B4GALT1: variants seen among roughly 807,000 people sequenced by gnomAD.
B4GALT1 encodes beta-1,4-galactosyltransferase 1, also known as N-acetyllactosamine synthase.
In B4GALT1, 16 loss-of-function variants were observed where a neutral mutation model predicts 34.9. That is an observed-to-expected ratio of 0.46 (90% CI 0.31 to 0.70). B4GALT1 has a LOEUF of 0.70. Ranked by LOEUF, B4GALT1 falls within the 30% of genes least tolerant of loss-of-function variation. The pLI, the probability that B4GALT1 is intolerant of heterozygous loss-of-function variation, is 0.05. For missense variants in B4GALT1, 445 were observed against 530.5 expected (o/e 0.84, Z 1.58); for synonymous variants, 221 against 218.1 (o/e 1.01, Z -0.12).
At chr9:33,144,455 G>A (rs1051745686) in intron 1 of B4GALT1, among the ~76,000 whole-genome samples, 1 of 149,636 alleles carries the variant, frequency 6.7e-6, no homozygotes, top group Non-Finnish European at 1.5e-5. Flanking sequence ...AGGCAGGATG[G>A]TCTCGATCTC....
chr9:33,157,121 TAC>T (rs199541947), intron 1 of B4GALT1, among the ~76,000 whole-genome samples: 2,007 of 113,244 alleles, frequency 0.018, 34 homozygotes, highest in South Asian at 0.025. Context: ...CATAGGGAAC[TAC>T]ACACACACAC....
At chr9:33,104,081 T>A (rs1384886330), downstream of B4GALT1, 2 of 152,096 alleles carry the variant, frequency 1.3e-5, no homozygotes, top group South Asian at 2.1e-4. Flanking sequence ...AAAAGATAGG[T>A]CCACTTTTAG....
At chr9:33,125,210 G>T (rs1840074090) in intron 2 of B4GALT1, among the ~76,000 whole-genome samples, 1 of 152,166 alleles carries the variant, frequency 6.6e-6, no homozygotes, top group African/African-American at 2.4e-5. Flanking sequence ...GGCGGTGCTG[G>T]GAGAGAAGGC....
intron 1 of B4GALT1, among the ~76,000 whole-genome samples, chr9:33,164,998 A>T (rs749682942): frequency 2.4e-5 from 3 of 126,060 alleles, no homozygotes; most frequent in Non-Finnish European, 4.8e-5. Flanking sequence ...TTTTTTAGAC[A>T]GTCTTGCTTC....
At chr9:33,129,816 G>A (rs1432287237) in intron 2 of B4GALT1, among the ~76,000 whole-genome samples, 1 of 152,120 alleles carries the variant, frequency 6.6e-6, no homozygotes, top group African/African-American at 2.4e-5. Flanking sequence ...TAGGAACACA[G>A]GGGACAGCAT....
chr9:33,106,916 C>T (rs1290964740), downstream of B4GALT1, among the ~76,000 whole-genome samples: 1 of 152,132 alleles, frequency 6.6e-6, no homozygotes. Context: ...TGTATGGCTT[C>T]CTCCTGGCTT....
intron 1 of B4GALT1, among the ~76,000 whole-genome samples, chr9:33,150,216 A>G (rs1840491680): frequency 6.8e-6 from 1 of 146,832 alleles, no homozygotes; most frequent in South Asian, 2.2e-4. Context: ...ATTAATATCT[A>G]TCTATCTACA....
At chr9:33,116,500 T>C (rs10971414) in intron 3 of B4GALT1, among the ~76,000 whole-genome samples, 132,710 of 147,096 alleles carry the variant, frequency 0.9, 60,034 homozygotes, top group Middle Eastern at 0.97. Flanking sequence ...GGGATTACAG[T>C]TGTAAGACAC....
intron 2 of B4GALT1, among the ~76,000 whole-genome samples, chr9:33,123,186 G>A (rs935355658): frequency 1.4e-5 from 2 of 147,340 alleles, no homozygotes; most frequent in African/African-American, 5.0e-5. Context: ...GCTGAGGCAG[G>A]AGAATCACTT....
At chr9:33,150,915 T>C (rs929050942) in intron 1 of B4GALT1, among the ~76,000 whole-genome samples, 2 of 152,052 alleles carry the variant, frequency 1.3e-5, no homozygotes, top group African/African-American at 4.8e-5. Flanking sequence ...AGAGAGTCCA[T>C]GAGTAGACCC....
At chr9:33,172,787 A>G in the B4GALT1 span, among the ~76,000 whole-genome samples, 5 of 152,222 alleles carry the variant, frequency 3.3e-5, no homozygotes, top group East Asian at 9.7e-4. Flanking sequence ...GGACCTGTGG[A>G]TTATAAAGAC....
upstream of B4GALT1, among the ~76,000 whole-genome samples, chr9:33,168,246 A>G (rs1840801644): frequency 6.6e-6 from 1 of 152,226 alleles, no homozygotes; most frequent in Non-Finnish European, 1.5e-5. Flanking sequence ...CATGTTTTCT[A>G]CAGGTTTACC....
At chr9:33,172,183 C>T (rs74643574), upstream of B4GALT1, among the ~76,000 whole-genome samples, 6,140 of 152,134 alleles carry the variant, frequency 0.04, 176 homozygotes, top group Non-Finnish European at 0.064. Flanking sequence ...CTGAAATCTC[C>T]CTGTGGTGAC....
At chr9:33,109,821 G>A (rs1839833581), downstream of B4GALT1, among the ~76,000 whole-genome samples, 1 of 151,916 alleles carries the variant, frequency 6.6e-6, no homozygotes, top group South Asian at 2.1e-4. Flanking sequence ...ACTGCTTGTT[G>A]GTGGGGAGAA....
At chr9:33,174,990 A>AAT in the B4GALT1 span, among the ~76,000 whole-genome samples, 54 of 4,830 alleles carry the variant, frequency 0.011, 7 homozygotes, top group African/African-American at 0.025. Flanking sequence ...AAAAAAAAAA[A>AAT]ATATATATAT....
intron 1 of B4GALT1, among the ~76,000 whole-genome samples, chr9:33,153,066 G>A (rs376023721): frequency 1.3e-5 from 2 of 152,054 alleles, no homozygotes; most frequent in Admixed American, 6.6e-5. Flanking sequence ...AAGACAGATG[G>A]CCAATAAACA....
intron 1 of B4GALT1, among the ~76,000 whole-genome samples, chr9:33,153,785 G>T (rs1448591597): frequency 3.3e-5 from 5 of 151,882 alleles, no homozygotes; most frequent in African/African-American, 9.7e-5. Flanking sequence ...ATTTAAAGAA[G>T]AATTAATAAA....
chr9:33,124,243 C>T (rs1294100420), intron 2 of B4GALT1, among the ~76,000 whole-genome samples: 2 of 152,194 alleles, frequency 1.3e-5, no homozygotes, highest in Non-Finnish European at 1.5e-5. Flanking sequence ...GGCGGGAAGA[C>T]GCCCAGCTTC....
At chr9:33,138,438 G>GC (rs1351609863) in intron 1 of B4GALT1, among the ~76,000 whole-genome samples, 1 of 152,092 alleles carries the variant, frequency 6.6e-6, no homozygotes. Flanking sequence ...GGGATCCAAA[G>GC]CAAGATCTTT....
Sources: allele counts gnomAD v4.1 joint callset (sites outside exome capture counted in the v4.1 genomes callset), GRCh38; gene constraint gnomAD v4.1.1; transcripts MANE v1.5; gene names NCBI Gene and HGNC (gene_info 2026-07-23, HGNC 2026-07-21).